TGFB2: variants seen among roughly 807,000 people sequenced by gnomAD.
TGFB2 encodes the protein transforming growth factor beta-2 proprotein.
Under a neutral mutation model 42.7 loss-of-function variants are expected in TGFB2, and 13 were observed. The observed-to-expected ratio is 0.30, with a 90% CI of 0.20 to 0.48. The LOEUF (loss-of-function observed/expected upper bound fraction) is 0.48. Ranked by LOEUF, TGFB2 falls within the 20% of genes least tolerant of loss-of-function variation. The pLI is 0.99. For synonymous variants in TGFB2, 193 were observed against 193.6 expected (o/e 1.00, Z 0.03); for missense variants, 390 against 517.5 (o/e 0.75, Z 2.39).
At chr1:218,359,321 G>A in intron 1 of TGFB2, among the ~76,000 whole-genome samples, 1 of 152,170 alleles carries the variant, frequency 6.6e-6, no homozygotes, top group East Asian at 1.9e-4. Context: ...TCACTCATTT[G>A]TATCTCTTCA....
intron 1 of TGFB2, among the ~76,000 whole-genome samples, chr1:218,372,688 G>T (rs1168359605): frequency 6.6e-6 from 1 of 152,180 alleles, no homozygotes; most frequent in South Asian, 2.1e-4. Context: ...AAGCACTTAG[G>T]TTCTTTGTTG....
At chr1:218,437,252 C>G in intron 5 of TGFB2, 91 bp from the exon 6 acceptor site, 1 of 1,258,362 alleles carries the variant, frequency 7.9e-7, no homozygotes, top group Middle Eastern at 2.8e-4. Context: ...ATGAATGAAT[C>G]ATTTTTCTGG....
intron 1 of TGFB2, among the ~76,000 whole-genome samples, chr1:218,391,617 A>C (rs1034787744): frequency 6.6e-6 from 1 of 152,246 alleles, no homozygotes; most frequent in Non-Finnish European, 1.5e-5. Context: ...CCTTCTCAGC[A>C]TATTTAAAAT....
intron 6 of TGFB2, 52 bp from the exon 7 acceptor site, chr1:218,441,152 G>A (rs970767283): frequency 1.2e-5 from 19 of 1,534,532 alleles, no homozygotes; most frequent in East Asian, 2.3e-5. Context: ...AACGAATTGC[G>A]TTCATTTTCC....
intron 2 of TGFB2, among the ~76,000 whole-genome samples, chr1:218,414,628 T>G (rs959753826): frequency 6.6e-6 from 1 of 152,178 alleles, no homozygotes; most frequent in East Asian, 1.9e-4. Context: ...ACCATTTGCA[T>G]TAGGTTATAA....
intron 1 of TGFB2, among the ~76,000 whole-genome samples, chr1:218,371,290 A>G (rs1281828687): frequency 6.6e-6 from 1 of 152,178 alleles, no homozygotes; most frequent in Non-Finnish European, 1.5e-5. Context: ...GATAGAGGGG[A>G]GACCCTGTCT....
chr1:218,429,310 CT>C (rs1477226994), intron 2 of TGFB2, among the ~76,000 whole-genome samples: 5 of 152,142 alleles, frequency 3.3e-5, no homozygotes, highest in African/African-American at 1.2e-4. Flanking sequence ...ATGAATTTGC[CT>C]ATTTAAAGTA....
At chr1:218,415,653 T>G (rs1186148446) in intron 2 of TGFB2, among the ~76,000 whole-genome samples, 1 of 131,258 alleles carries the variant, frequency 7.6e-6, no homozygotes, top group Non-Finnish European at 1.5e-5. Flanking sequence ...CCAGACTGTG[T>G]CACTGCACTC....
At chr1:218,367,987 G>A (rs1030833800) in intron 1 of TGFB2, among the ~76,000 whole-genome samples, 1 of 152,026 alleles carries the variant, frequency 6.6e-6, no homozygotes, top group African/African-American at 2.4e-5. Flanking sequence ...ATTTTTAGTA[G>A]CGACAGGGTC....
At chr1:218,438,426 A>G (rs2102631163) in intron 6 of TGFB2, among the ~76,000 whole-genome samples, 1 of 152,340 alleles carries the variant, frequency 6.6e-6, no homozygotes, top group East Asian at 1.9e-4. Flanking sequence ...GTATGACAGA[A>G]TGTAATTTAA....
intron 1 of TGFB2, among the ~76,000 whole-genome samples, chr1:218,389,320 G>A (rs1278962701): frequency 6.6e-6 from 1 of 152,134 alleles, no homozygotes; most frequent in African/African-American, 2.4e-5. Flanking sequence ...CCTTGTCCTG[G>A]GCCTGGAGCT....
intron 1 of TGFB2, among the ~76,000 whole-genome samples, chr1:218,348,773 G>T (rs759939849): frequency 2.0e-5 from 3 of 152,166 alleles, no homozygotes; most frequent in Non-Finnish European, 4.4e-5. Flanking sequence ...CGGTTCTACC[G>T]GTATTTGGGC....
chr1:218,433,533 A>G (rs548836121), intron 2 of TGFB2, among the ~76,000 whole-genome samples: 4 of 152,352 alleles, frequency 2.6e-5, no homozygotes, highest in African/African-American at 9.6e-5. Flanking sequence ...TATCCCAGCT[A>G]GGGACTTACC....
At chr1:218,386,798 A>G (rs1014966193) in intron 1 of TGFB2, among the ~76,000 whole-genome samples, 3 of 152,186 alleles carry the variant, frequency 2.0e-5, no homozygotes, top group Non-Finnish European at 2.9e-5. Flanking sequence ...TTGGCTGTCA[A>G]TGTTCTGTTA....
chr1:218,347,139 C>T, intron 1 of TGFB2, 92 bp downstream of exon 1: 1 of 1,233,922 alleles, frequency 8.1e-7, no homozygotes, highest in Non-Finnish European at 1.1e-6. Context: ...CCTTCCCTCT[C>T]GCGGTTCCCG....
chr1:218,397,256 A>C (rs1658548813), intron 1 of TGFB2, among the ~76,000 whole-genome samples: 1 of 147,088 alleles, frequency 6.8e-6, no homozygotes, highest in Non-Finnish European at 1.5e-5. Flanking sequence ...CCACAGAGCA[A>C]GACTCCATCT....
intron 2 of TGFB2, among the ~76,000 whole-genome samples, chr1:218,414,450 C>T (rs1240566643): frequency 6.6e-6 from 1 of 152,010 alleles, no homozygotes; most frequent in Non-Finnish European, 1.5e-5. Context: ...GATCCTAGCC[C>T]CGGCGCCACA....
chr1:218,362,154 A>G (rs1389549099), intron 1 of TGFB2, among the ~76,000 whole-genome samples: 1 of 152,252 alleles, frequency 6.6e-6, no homozygotes, highest in Non-Finnish European at 1.5e-5. Flanking sequence ...AGAGGCACAC[A>G]TATGGCAAAA....
chr1:218,390,100 C>G (rs2102577218), intron 1 of TGFB2, among the ~76,000 whole-genome samples: 1 of 152,328 alleles, frequency 6.6e-6, no homozygotes, highest in South Asian at 2.1e-4. Context: ...TCAAGAAACA[C>G]TTCTTTAAAG....
Sources: allele counts gnomAD v4.1 joint callset (sites outside exome capture counted in the v4.1 genomes callset), GRCh38; gene constraint gnomAD v4.1.1; transcripts MANE v1.5; gene names NCBI Gene and HGNC (gene_info 2026-07-23, HGNC 2026-07-21).